CNTN4: variants seen among roughly 807,000 people sequenced by gnomAD.
The protein encoded by CNTN4 is contactin-4.
Under a neutral mutation model 122.5 loss-of-function variants are expected in CNTN4, and 77 were observed. That is an observed-to-expected ratio of 0.63 (90% CI 0.52 to 0.76). The LOEUF is 0.76. Ranked by LOEUF, CNTN4 falls within the 30% of genes least tolerant of loss-of-function variation. The pLI, the probability that CNTN4 is intolerant of heterozygous loss-of-function variation, is 0.00. For synonymous variants in CNTN4, 512 were observed against 447.0 expected, an observed-to-expected ratio of 1.15 and a Z score of -1.83; for missense variants, 1,256 against 1,259.1, an observed-to-expected ratio of 1.00 and a Z score of 0.04.
At chr3:2,311,063 C>T (rs760850358) in intron 2 of CNTN4, among the ~76,000 whole-genome samples, 3 of 151,908 alleles carry the variant, frequency 2.0e-5, no homozygotes, top group East Asian at 1.9e-4. Context: ...TGAAAATATC[C>T]GAATCAGAAG....
At chr3:2,194,860 A>T (rs1250834782) in intron 2 of CNTN4, among the ~76,000 whole-genome samples, 1 of 152,184 alleles carries the variant, frequency 6.6e-6, no homozygotes, top group East Asian at 1.9e-4. Context: ...CCCTGCTCAC[A>T]CCTTGATTTC....
intron 4 of CNTN4, among the ~76,000 whole-genome samples, chr3:2,705,035 GTA>G (rs1345391585): frequency 6.6e-6 from 1 of 151,554 alleles, no homozygotes. Flanking sequence ...ACATATGTGT[GTA>G]TATATATATA....
At chr3:2,862,331 G>A (rs1048102942) in intron 7 of CNTN4, among the ~76,000 whole-genome samples, 3 of 152,142 alleles carry the variant, frequency 2.0e-5, no homozygotes, top group African/African-American at 7.2e-5. Flanking sequence ...TGCTTGATTG[G>A]TGTCTTCTTT....
chr3:2,306,672 T>C (rs949711455), intron 2 of CNTN4, among the ~76,000 whole-genome samples: 1 of 152,180 alleles, frequency 6.6e-6, no homozygotes, highest in Non-Finnish European at 1.5e-5. Flanking sequence ...CTTAAACTTT[T>C]ACAAGGATTA....
intron 4 of CNTN4, among the ~76,000 whole-genome samples, chr3:2,603,914 A>G (rs1018754788): frequency 6.6e-6 from 1 of 152,174 alleles, no homozygotes; most frequent in African/African-American, 2.4e-5. Context: ...TGTTTGACTC[A>G]CAGCGCATTA....
At chr3:2,939,657 A>T (rs2094596030) in intron 13 of CNTN4, among the ~76,000 whole-genome samples, 1 of 152,244 alleles carries the variant, frequency 6.6e-6, no homozygotes, top group African/African-American at 2.4e-5. Flanking sequence ...TCCAAGCAAG[A>T]TCACTTACCC....
chr3:2,264,807 A>G (rs1440804209), intron 2 of CNTN4, among the ~76,000 whole-genome samples: 3 of 152,078 alleles, frequency 2.0e-5, no homozygotes, highest in Admixed American at 2.0e-4. Flanking sequence ...ATGGTGAAAG[A>G]TGAGAATCTA....
chr3:2,411,250 T>C (rs547999319), intron 3 of CNTN4, among the ~76,000 whole-genome samples: 2 of 152,256 alleles, frequency 1.3e-5, no homozygotes, highest in African/African-American at 4.8e-5. Flanking sequence ...GATGGATTGA[T>C]AGGTGCAGCA....
chr3:2,387,491 CCTT>C (rs1416497403), intron 3 of CNTN4, among the ~76,000 whole-genome samples: 2 of 151,892 alleles, frequency 1.3e-5, no homozygotes, highest in African/African-American at 4.8e-5. Context: ...ATAATGGCAT[CCTT>C]CTTCATTTAT....
chr3:2,170,000 GT>G (rs1269842021), intron 2 of CNTN4, among the ~76,000 whole-genome samples: 18 of 151,912 alleles, frequency 1.2e-4, no homozygotes, highest in Non-Finnish European at 2.4e-4. Flanking sequence ...AATGAAACTA[GT>G]TATTAGCTAA....
chr3:2,733,532 G>GTTTTTTTT (rs1201306391), intron 4 of CNTN4, among the ~76,000 whole-genome samples: 17 of 120,556 alleles, frequency 1.4e-4, no homozygotes, highest in African/African-American at 3.8e-4. Context: ...GCATGTTTGT[G>GTTTTTTTT]TTTTTTTTTT....
At chr3:2,969,520 A>ATTATTATTATGATTATTATTG (rs1559733313) in intron 13 of CNTN4, among the ~76,000 whole-genome samples, 1 of 151,182 alleles carries the variant, frequency 6.6e-6, no homozygotes, top group East Asian at 1.9e-4. Context: ...AATTGGGATT[A>ATTATTATTATGATTATTATTG]TTATTATTAT....
chr3:2,597,500 G>A (rs903338438), intron 4 of CNTN4, among the ~76,000 whole-genome samples: 2 of 152,144 alleles, frequency 1.3e-5, no homozygotes, highest in African/African-American at 4.8e-5. Flanking sequence ...CTCCTGAGTC[G>A]TAATGTTGAT....
intron 3 of CNTN4, among the ~76,000 whole-genome samples, chr3:2,429,444 C>T (rs1020801962): frequency 6.6e-6 from 1 of 152,176 alleles, no homozygotes; most frequent in Non-Finnish European, 1.5e-5. Context: ...CCTCTGGAAG[C>T]TTCGTCTCAG....
intron 3 of CNTN4, among the ~76,000 whole-genome samples, chr3:2,489,378 C>G (rs2076250889): frequency 6.6e-6 from 1 of 152,124 alleles, no homozygotes; most frequent in Non-Finnish European, 1.5e-5. Context: ...TTGAATGAAA[C>G]TGGAGAAAGG....
At chr3:3,012,047 A>T (rs906441686) in intron 14 of CNTN4, among the ~76,000 whole-genome samples, 1 of 152,174 alleles carries the variant, frequency 6.6e-6, no homozygotes, top group African/African-American at 2.4e-5. Context: ...TCCCACAATC[A>T]GTCAACTAGT....
At chr3:2,510,973 C>T (rs940764667) in intron 3 of CNTN4, among the ~76,000 whole-genome samples, 1 of 152,092 alleles carries the variant, frequency 6.6e-6, no homozygotes, top group Non-Finnish European at 1.5e-5. Context: ...TGAAGAGGCA[C>T]GACTTGGGGA....
intron 3 of CNTN4, among the ~76,000 whole-genome samples, chr3:2,461,491 G>A (rs1482279072): frequency 6.6e-6 from 1 of 152,134 alleles, no homozygotes; most frequent in Non-Finnish European, 1.5e-5. Flanking sequence ...TCCCAGGCTG[G>A]CCAGCTACTA....
intron 6 of CNTN4, among the ~76,000 whole-genome samples, chr3:2,798,883 G>T (rs975925122): frequency 6.6e-6 from 1 of 151,992 alleles, no homozygotes; most frequent in Non-Finnish European, 1.5e-5. Flanking sequence ...TGATCAATTG[G>T]TAGTTCTATT....
Sources: gnomAD v4.1 joint callset for allele counts (sites outside exome capture counted in the v4.1 genomes callset) on GRCh38, gnomAD v4.1.1 for gene constraint, MANE v1.5 for transcripts, NCBI Gene and HGNC (gene_info 2026-07-23, HGNC 2026-07-21) for gene names.